The following MAN2A1 variants were observed in gnomAD, a reference collection of about 807,000 sequenced individuals.
The protein encoded by MAN2A1 is alpha-mannosidase 2.
In MAN2A1, 76 loss-of-function variants were observed where a neutral mutation model predicts 142.6. The observed-to-expected ratio is 0.53, with a 90% CI of 0.44 to 0.65. The LOEUF is 0.65. Ranked by LOEUF, MAN2A1 falls within the 30% of genes least tolerant of loss-of-function variation. MAN2A1 has a pLI of 0.00. For synonymous variants in MAN2A1, 559 were observed against 473.2 expected (o/e 1.18, Z -2.35); for missense variants, 1,311 against 1,365.1 (o/e 0.96, Z 0.62).
At chr5:109,785,965 C>A (rs1753585547) in intron 10 of MAN2A1, among the ~76,000 whole-genome samples, 1 of 152,038 alleles carries the variant, frequency 6.6e-6, no homozygotes, top group African/African-American at 2.4e-5. Flanking sequence ...ACTTATATTA[C>A]TAATTGTAGT....
At position 109,836,918 on chromosome 5, in the gene MAN2A1, A is replaced by C. The variant is rs184749684; in HGVS notation, c.2567-5410A>C. ...TATTGTGTTTGTGTCGATTTTCAGCATAGTTTATCATGCTATACAAATGCT... is the reference window on the plus strand; with the variant it reads ...TATTGTGTTTGTGTCGATTTTCAGCCTAGTTTATCATGCTATACAAATGCT... On this transcript the variant is annotated intron_variant, in intron 16 of 21. Coordinates refer to ENST00000261483, the MANE Select transcript of MAN2A1 (RefSeq NM_002372.4). Among the ~76,000 whole-genome samples the C allele has an allele frequency of 1.2e-4, 18 of 152,130 alleles. No individual in the cohort carries two copies. The East Asian group carries it at 3.5e-3, about 30-fold the overall frequency.
In MAN2A1 at chr5:109,817,375, T is replaced by C. The variant is rs968750832; in HGVS notation, c.2046T>C (p.Pro682=). Residue 682 remains proline (P), a synonymous_variant, in exon 13 of 22, where the codon CCT becomes CCC. Coordinates refer to ENST00000261483, the MANE Select transcript of MAN2A1 (RefSeq NM_002372.4). Reference sequence around the variant, plus strand: ...AAGTGTTCTCTGCTTCAGGAAAACCTGTGGAAGTTCAAGTCAGCGCAGTTT... The same window carrying C: ...AAGTGTTCTCTGCTTCAGGAAAACCCGTGGAAGTTCAAGTCAGCGCAGTTT... The part of the protein sequence containing the change: ...TVQVFSASGK[P]VEVQVSAVWD... 3.1e-6 allele frequency: 5 copies of C among 1,614,120 alleles called. No homozygotes were observed. The Middle Eastern group carries it at 4.9e-4, about 160-fold the overall frequency.
chr5:109,694,028 A>C (rs188533540), intron 1 of MAN2A1, among the ~76,000 whole-genome samples: 2 of 152,336 alleles, frequency 1.3e-5, no homozygotes, highest in East Asian at 3.9e-4. Context: ...CAGATTTCAC[A>C]AGGTGCTTAC....
intron 4 of MAN2A1, among the ~76,000 whole-genome samples, chr5:109,754,985 G>A (rs1003728730): frequency 1.3e-5 from 2 of 152,168 alleles, no homozygotes; most frequent in Admixed American, 6.5e-5. Flanking sequence ...TGGGCAACAA[G>A]AGTGAAACTC....
intron 4 of MAN2A1, among the ~76,000 whole-genome samples, chr5:109,735,926 T>C (rs1274153817): frequency 7.0e-6 from 1 of 143,490 alleles, no homozygotes; most frequent in African/African-American, 2.6e-5. Flanking sequence ...CTTAAAATGC[T>C]TACAGGTTTG....
At chr5:109,690,891 C>G (rs2112530520) in intron 1 of MAN2A1, among the ~76,000 whole-genome samples, 1 of 152,202 alleles carries the variant, frequency 6.6e-6, no homozygotes, top group Non-Finnish European at 1.5e-5. Flanking sequence ...CCCCCGCCAG[C>G]CCGGGGCCCG....
intron 10 of MAN2A1, among the ~76,000 whole-genome samples, chr5:109,785,564 C>T (rs1334117982): frequency 6.6e-6 from 1 of 151,962 alleles, no homozygotes; most frequent in African/African-American, 2.4e-5. Flanking sequence ...ATATTAAAGA[C>T]TTTGAAACAA....
intron 9 of MAN2A1, among the ~76,000 whole-genome samples, 180 bp downstream of exon 9, chr5:109,781,778 A>G (rs546351990): frequency 4.1e-4 from 62 of 152,318 alleles, no homozygotes; most frequent in African/African-American, 1.4e-3. Context: ...CCAAACTACA[A>G]TCAAATTATT....
chr5:109,862,527 A>C (rs1755782484), intron 20 of MAN2A1: 1 of 152,134 alleles, frequency 6.6e-6, no homozygotes, highest in Non-Finnish European at 1.5e-5. Flanking sequence ...TCTTCCCCAC[A>C]TCCTCCCATT....
intron 1 of MAN2A1, among the ~76,000 whole-genome samples, chr5:109,693,596 G>A (rs190424056): frequency 7.2e-5 from 11 of 151,862 alleles, no homozygotes; most frequent in East Asian, 3.9e-4. Flanking sequence ...TTTGGAGAGC[G>A]GGGGTTTGTT....
intron 7 of MAN2A1, among the ~76,000 whole-genome samples, chr5:109,771,631 T>C (rs1045313129): frequency 6.6e-6 from 1 of 152,202 alleles, no homozygotes; most frequent in African/African-American, 2.4e-5. Flanking sequence ...AACAACCTGC[T>C]TTCTAGCTAG....
At chr5:109,791,673 A>C (rs1454496870) in intron 12 of MAN2A1, among the ~76,000 whole-genome samples, 1 of 151,780 alleles carries the variant, frequency 6.6e-6, no homozygotes, top group Non-Finnish European at 1.5e-5. Context: ...GTTTTTGGGG[A>C]TTTGAAGAAA....
intron 4 of MAN2A1, among the ~76,000 whole-genome samples, chr5:109,746,966 G>T (rs1752425490): frequency 6.6e-6 from 1 of 152,162 alleles, no homozygotes; most frequent in Non-Finnish European, 1.5e-5. Context: ...AAGGCTACAT[G>T]ATATTCCCCT....
At chr5:109,852,156 AAC>A (rs1554083724) in intron 19 of MAN2A1, among the ~76,000 whole-genome samples, 3 of 151,952 alleles carry the variant, frequency 2.0e-5, no homozygotes, top group Admixed American at 6.6e-5. Context: ...AAAAAAAAAA[AAC>A]ATTTTAATAC....
At chr5:109,816,526 T>A (rs1335329379) in intron 12 of MAN2A1, among the ~76,000 whole-genome samples, 1 of 152,190 alleles carries the variant, frequency 6.6e-6, no homozygotes, top group East Asian at 1.9e-4. Context: ...GAATCAACTT[T>A]CTTTAATAAT....
chr5:109,763,909 C>G (rs372762222), intron 5 of MAN2A1, among the ~76,000 whole-genome samples: 73 of 152,172 alleles, frequency 4.8e-4, no homozygotes, highest in African/African-American at 1.6e-3. Flanking sequence ...TCAAGTGACC[C>G]TCCTGCCTCA....
rs113258899 is a variant in MAN2A1, at chr5:109,784,888, A to G, written c.1722A>G (p.Gly574=). ...GLFQHHDAIT[G]TAKDWVVVDY... is the part of the protein sequence containing the mutation. The stretch of plus-strand genomic sequence containing the variant: ...TTCAACATCATGATGCTATCACAGG[A>G]ACTGCAAAAGACTGGGTGGTTGTGG... Residue 574 remains glycine (G), a synonymous_variant, in exon 10 of 22, where the codon GGA becomes GGG. Coordinates refer to ENST00000261483, the MANE Select transcript of MAN2A1 (RefSeq NM_002372.4). The G allele has an allele frequency of 1.9e-6, 3 of 1,609,746 alleles. No homozygotes were observed. The East Asian group carries it at 6.7e-5, about 36-fold the overall frequency.
Position 109,704,199 on chromosome 5 carries a change from C to T in MAN2A1, c.136-9321C>T, listed in dbSNP as rs530294985. Among the ~76,000 whole-genome samples the T allele has an allele frequency of 6.4e-4, 97 of 152,290 alleles. 1 individual carries two copies. The highest frequency in any genetic ancestry group is 3.3e-3 in the South Asian group (16 of 4,824). On this transcript the variant is annotated intron_variant, in intron 1 of 21. Coordinates refer to ENST00000261483, the MANE Select transcript of MAN2A1 (RefSeq NM_002372.4). The stretch of plus-strand genomic sequence containing the variant: ...GTTGGGCTTGGAGTCCCAGCTTTTC[C>T]CTTCACAGTCATTTGGCACTCTTAC...
chr5:109,828,180 T>A (rs1487837150), intron 16 of MAN2A1, among the ~76,000 whole-genome samples: 2 of 151,978 alleles, frequency 1.3e-5, no homozygotes, highest in East Asian at 3.9e-4. Context: ...GTTTAATAAA[T>A]CCATTTTATA....
Sources: gnomAD v4.1 joint callset for allele counts (sites outside exome capture counted in the v4.1 genomes callset) on GRCh38, gnomAD v4.1.1 for gene constraint, MANE v1.5 for transcripts, NCBI Gene and HGNC (gene_info 2026-07-23, HGNC 2026-07-21) for gene names.